The following UBE2U variants were observed in gnomAD, a reference collection of about 807,000 sequenced individuals.
UBE2U encodes the protein ubiquitin-conjugating enzyme E2 U.
Under a neutral mutation model 41.2 loss-of-function variants are expected in UBE2U, and 39 were observed. The ratio of observed to expected loss-of-function variants is 0.95; its 90% CI spans 0.73 to 1.24. UBE2U has a LOEUF of 1.24. Ranked by LOEUF, UBE2U falls within the 50% of genes most tolerant of loss-of-function variation. The probability of loss-of-function intolerance (pLI) is 0.00; values close to 1 mark genes in which losing one functional copy is unlikely to be tolerated. For missense variants in UBE2U, 336 were observed against 363.1 expected (o/e 0.93, Z 0.61); for synonymous variants, 107 against 117.8 (o/e 0.91, Z 0.60).
chr1:64,252,908 C>A (rs1378123372), intron 8 of UBE2U, among the ~76,000 whole-genome samples: 1 of 152,146 alleles, frequency 6.6e-6, no homozygotes, highest in Non-Finnish European at 1.5e-5. Flanking sequence ...TGGGCTGAGG[C>A]TGAGATGGTT....
At chr1:64,205,264 T>A (rs960447551) in intron 1 of UBE2U, among the ~76,000 whole-genome samples, 23 of 152,222 alleles carry the variant, frequency 1.5e-4, no homozygotes, top group African/African-American at 5.5e-4. Context: ...ATAGCATTCA[T>A]ATAGCTCTAA....
chr1:64,249,299 A>G (rs1644968980), intron 8 of UBE2U, among the ~76,000 whole-genome samples: 1 of 146,438 alleles, frequency 6.8e-6, no homozygotes. Flanking sequence ...AATCGCTTGA[A>G]CCTGGGAGGC....
intron 8 of UBE2U, among the ~76,000 whole-genome samples, chr1:64,259,506 G>A (rs1645148887): frequency 6.6e-6 from 1 of 152,014 alleles, no homozygotes; most frequent in African/African-American, 2.4e-5. Context: ...TGTATAAGAT[G>A]TAAGGAAGGG....
intron 8 of UBE2U, chr1:64,244,168 C>CAG (rs1167494624): frequency 5.0e-6 from 8 of 1,607,138 alleles, no homozygotes; most frequent in Non-Finnish European, 5.1e-6. Flanking sequence ...AGGGGAAGAG[C>CAG]ATGAGCTTCA....
At chr1:64,216,928 G>C (rs1408918678) in intron 5 of UBE2U, among the ~76,000 whole-genome samples, 1 of 152,108 alleles carries the variant, frequency 6.6e-6, no homozygotes, top group Non-Finnish European at 1.5e-5. Context: ...CAGACTGCCT[G>C]GGAAAGTCCT....
At chr1:64,229,954 C>A (rs1486500951) in intron 6 of UBE2U, among the ~76,000 whole-genome samples, 1 of 152,210 alleles carries the variant, frequency 6.6e-6, no homozygotes, top group East Asian at 1.9e-4. Context: ...CTAACAGCAC[C>A]TGAAATCTAT....
intron 8 of UBE2U, among the ~76,000 whole-genome samples, chr1:64,253,731 C>G (rs1645047772): frequency 6.6e-6 from 1 of 152,128 alleles, no homozygotes; most frequent in Admixed American, 6.5e-5. Context: ...TTCATCACCA[C>G]CAGGCCTGCC....
intron 9 of UBE2U, among the ~76,000 whole-genome samples, chr1:64,261,120 T>C (rs1645174558): frequency 1.3e-5 from 2 of 152,142 alleles, no homozygotes; most frequent in African/African-American, 4.8e-5. Context: ...AAATTACCAT[T>C]TACTTGTTGG....
Position 64,203,839 on chromosome 1 carries a change from G to A in UBE2U, c.-212G>A. The A allele has an allele frequency of 2.4e-6, 1 of 423,030 alleles. No individual in the cohort carries two copies. Among genetic ancestry groups the A allele is most frequent in the South Asian group, 6.8e-5 (1 of 14,616 alleles). 26.2% of individuals were successfully genotyped at this position (423,030 alleles called of 1,614,324 possible). On this transcript the variant is annotated 5_prime_UTR_variant, in exon 1 of 10. Transcript: ENST00000371077. ...TGAGGAAGTGCCCAAGTCTTCCTTCGGGAAGTTCTCGTTTAGAGGAGTCAG... is the reference window on the plus strand; with the variant it reads ...TGAGGAAGTGCCCAAGTCTTCCTTCAGGAAGTTCTCGTTTAGAGGAGTCAG...
At chr1:64,239,157 A>AAGAAGAAAAGAAG in intron 7 of UBE2U, among the ~76,000 whole-genome samples, 3 of 37,064 alleles carry the variant, frequency 8.1e-5, no homozygotes. Flanking sequence ...GAAGAAGAAG[A>AAGAAGAAAAGAAG]AAGAAGAAGA....
At chr1:64,265,798 G>A (rs895992138) in intron 9 of UBE2U, among the ~76,000 whole-genome samples, 4 of 152,136 alleles carry the variant, frequency 2.6e-5, no homozygotes, top group African/African-American at 4.8e-5. Context: ...GGCTGGTCTC[G>A]AACCCGTGAC....
chr1:64,260,422 G>T, intron 8 of UBE2U, among the ~76,000 whole-genome samples, 181 bp from the exon 9 acceptor site: 1 of 152,010 alleles, frequency 6.6e-6, no homozygotes, highest in South Asian at 2.1e-4. Context: ...CTGTTGGAAA[G>T]CACATATTGA....
chr1:64,236,393 G>A (rs930906880), intron 7 of UBE2U, among the ~76,000 whole-genome samples: 3 of 151,986 alleles, frequency 2.0e-5, no homozygotes, highest in Admixed American at 6.6e-5. Flanking sequence ...ATTCAAACTC[G>A]GAAGTACATG....
chr1:64,232,131 A>G (rs1644579383), intron 6 of UBE2U, among the ~76,000 whole-genome samples: 1 of 152,222 alleles, frequency 6.6e-6, no homozygotes, highest in Admixed American at 6.5e-5. Context: ...TAATACTTGT[A>G]TTCTGTCCCC....
At chr1:64,239,146 A>AGAGGAAGAGGAAGAGGAAGAGGAAGAG (rs1644762890) in intron 7 of UBE2U, among the ~76,000 whole-genome samples, 3 of 26,378 alleles carry the variant, frequency 1.1e-4, no homozygotes, top group African/African-American at 2.1e-4. Context: ...AAGAAGAAGA[A>AGAGGAAGAGGAAGAGGAAGAGGAAGAG]GAAGAAGAAG....
At position 64,239,166 on chromosome 1, in the gene UBE2U, G is replaced by GA. The variant is rs1390326661; in HGVS notation, c.596-2484dup. Among the ~76,000 whole-genome samples the GA allele has an allele frequency of 8.6e-4, 73 of 84,704 alleles. 1 individual carries two copies. Among genetic ancestry groups the GA allele is most frequent in the East Asian group, 3.6e-3 (7 of 1,966 alleles). The allele number at this position is 84,704 out of a possible 152,430, so 55.6% of individuals were successfully genotyped here. On this transcript the variant is annotated intron_variant, in intron 7 of 9. Coordinates refer to ENST00000371077, the MANE Select transcript of UBE2U (RefSeq NM_001366232.2). ...GAAGAAGAAGAAGAAGAAAGAAGAAGAAGAAGAAGAAGAAGAAGAAGAAGA... is the reference window on the plus strand; with the variant it reads ...GAAGAAGAAGAAGAAGAAAGAAGAAGAAAGAAGAAGAAGAAGAAGAAGAAGA...
chr1:64,256,236 C>T (rs1423546668), intron 8 of UBE2U, among the ~76,000 whole-genome samples: 1 of 152,128 alleles, frequency 6.6e-6, no homozygotes, highest in Non-Finnish European at 1.5e-5. Context: ...ATTAAACTAC[C>T]ATTGACATTC....
chr1:64,248,719 C>T (rs1246571687), intron 8 of UBE2U, among the ~76,000 whole-genome samples: 1 of 152,030 alleles, frequency 6.6e-6, no homozygotes, highest in Non-Finnish European at 1.5e-5. Context: ...ACTGCTTATA[C>T]AATTTTTTGA....
In UBE2U at chr1:64,205,721, G is replaced by T; in HGVS notation, c.148+1G>T. 1 of 1,610,516 alleles carries T rather than the reference G, an allele frequency of 6.2e-7. No individual in the cohort carries two copies. Among genetic ancestry groups the T allele is most frequent in the East Asian group, 2.2e-5 (1 of 44,714 alleles). On this transcript the variant is annotated splice_donor_variant, in intron 2 of 9. Transcript: ENST00000371077. LOFTEE classifies it high-confidence loss of function. ...GGTCTACAGAATTCAGTTTGGCAGG[G>T]TTTGTATTTTCAAAACCAATCTATT...
Sources: gnomAD v4.1 joint callset for allele counts (sites outside exome capture counted in the v4.1 genomes callset) on GRCh38, gnomAD v4.1.1 for gene constraint, MANE v1.5 for transcripts, NCBI Gene and HGNC (gene_info 2026-07-23, HGNC 2026-07-21) for gene names.